Variants in FOXP1 observed in about 807,000 individuals in gnomAD.
FOXP1 encodes forkhead box P1.
Under a neutral mutation model 98.2 loss-of-function variants are expected in FOXP1, and 15 were observed. That is an observed-to-expected ratio of 0.15 (90% CI 0.10 to 0.24). The LOEUF (loss-of-function observed/expected upper bound fraction) is 0.24. FOXP1 is among the 10% of genes least tolerant of loss of function. FOXP1 has a pLI of 1.00. For missense variants in FOXP1, 633 were observed against 848.5 expected, an observed-to-expected ratio of 0.75 and a Z score of 3.15; for synonymous variants, 371 against 314.5, an observed-to-expected ratio of 1.18 and a Z score of -1.90.
At chr3:71,097,566 C>A (rs555898523) in intron 7 of FOXP1, among the ~76,000 whole-genome samples, 23 of 152,134 alleles carry the variant, frequency 1.5e-4, no homozygotes, top group Non-Finnish European at 3.1e-4. Flanking sequence ...TTTATACATA[C>A]AAACTTGAAA....
At chr3:70,998,369 T>C (rs76184971) in intron 13 of FOXP1, among the ~76,000 whole-genome samples, 6,196 of 152,288 alleles carry the variant, frequency 0.041, 172 homozygotes, top group Middle Eastern at 0.15. Context: ...AATAATGTTC[T>C]TCAGATTTTT....
intron 2 of FOXP1, among the ~76,000 whole-genome samples, chr3:71,555,690 A>G (rs1031895792): frequency 9.9e-5 from 15 of 152,204 alleles, no homozygotes; most frequent in Admixed American, 9.8e-4. Context: ...GCATATAATC[A>G]ACACTTAATA....
chr3:71,280,632 CT>C (rs554539344), intron 5 of FOXP1, among the ~76,000 whole-genome samples: 10 of 148,928 alleles, frequency 6.7e-5, no homozygotes, highest in South Asian at 2.1e-4. Context: ...CCTACAATAT[CT>C]TTTTTTTTTG....
intron 11 of FOXP1, among the ~76,000 whole-genome samples, chr3:71,019,294 A>G (rs938368317): frequency 1.3e-5 from 2 of 152,238 alleles, no homozygotes; most frequent in African/African-American, 2.4e-5. Context: ...TCATTTAGAT[A>G]AATTATTCAA....
At chr3:71,557,333 T>C (rs891207350) in intron 2 of FOXP1, among the ~76,000 whole-genome samples, 1 of 151,286 alleles carries the variant, frequency 6.6e-6, no homozygotes, top group African/African-American at 2.4e-5. Context: ...ACAGCTCAAA[T>C]GGTCAATTTA....
At chr3:71,450,785 C>CT (rs907077627) in intron 3 of FOXP1, among the ~76,000 whole-genome samples, 507 of 130,730 alleles carry the variant, frequency 3.9e-3, no homozygotes, top group Admixed American at 6.7e-3. Flanking sequence ...ATGGAATATT[C>CT]TTTTTTTTTT....
intron 5 of FOXP1, among the ~76,000 whole-genome samples, chr3:71,273,237 C>T (rs2070560010): frequency 6.6e-6 from 1 of 152,224 alleles, no homozygotes; most frequent in African/African-American, 2.4e-5. Context: ...GAAATACTGG[C>T]AATGAGGCAC....
At chr3:71,174,086 CACAG>C (rs1331751795) in intron 6 of FOXP1, among the ~76,000 whole-genome samples, 1 of 152,176 alleles carries the variant, frequency 6.6e-6, no homozygotes, top group Non-Finnish European at 1.5e-5. Flanking sequence ...TTTACTAGAA[CACAG>C]ACAGATCCAT....
intron 3 of FOXP1, among the ~76,000 whole-genome samples, chr3:71,361,537 T>C (rs1031059298): frequency 3.3e-5 from 5 of 152,340 alleles, no homozygotes; most frequent in African/African-American, 1.2e-4. Context: ...TCACACTCGA[T>C]TGCAGGTTTG....
At chr3:71,110,530 T>A (rs1388394895) in intron 7 of FOXP1, among the ~76,000 whole-genome samples, 1 of 152,194 alleles carries the variant, frequency 6.6e-6, no homozygotes, top group African/African-American at 2.4e-5. Flanking sequence ...ATCATTTGAA[T>A]CACTGAGTGA....
intron 7 of FOXP1, among the ~76,000 whole-genome samples, chr3:71,071,634 G>T (rs2053244789): frequency 6.6e-6 from 1 of 152,102 alleles, no homozygotes; most frequent in Admixed American, 6.5e-5. Context: ...GAGTGCAATG[G>T]CGCATCTTGG....
intron 5 of FOXP1, chr3:71,276,225 G>C (rs1306420428): frequency 6.6e-6 from 1 of 152,104 alleles, no homozygotes; most frequent in Non-Finnish European, 1.5e-5. Flanking sequence ...TTCTCTGCAT[G>C]GTCTTCAGTA....
At chr3:71,358,179 C>T (rs1034379224) in intron 4 of FOXP1, among the ~76,000 whole-genome samples, 20 of 152,172 alleles carry the variant, frequency 1.3e-4, no homozygotes, top group Non-Finnish European at 2.8e-4. Flanking sequence ...AAGGTGAGAT[C>T]TTACAGCACT....
At chr3:71,127,092 A>C (rs532189527) in intron 6 of FOXP1, among the ~76,000 whole-genome samples, 1 of 152,148 alleles carries the variant, frequency 6.6e-6, no homozygotes, top group Non-Finnish European at 1.5e-5. Context: ...CCTCCACCCT[A>C]CTGTGGAGTT....
intron 6 of FOXP1, among the ~76,000 whole-genome samples, chr3:71,160,894 G>A (rs2061101396): frequency 6.6e-6 from 1 of 152,184 alleles, no homozygotes; most frequent in African/African-American, 2.4e-5. Flanking sequence ...AATGTAGATT[G>A]AACTACAGAA....
At chr3:70,971,955 A>C in intron 18 of FOXP1, 1 of 1,333,054 alleles carries the variant, frequency 7.5e-7, no homozygotes, top group Non-Finnish European at 9.7e-7. Flanking sequence ...TGAGTCAACC[A>C]TGCAAAGCCA....
At chr3:71,390,649 G>A (rs931896305) in intron 3 of FOXP1, among the ~76,000 whole-genome samples, 1 of 152,116 alleles carries the variant, frequency 6.6e-6, no homozygotes, top group Non-Finnish European at 1.5e-5. Context: ...TCCAAAAAGC[G>A]AAAGGTTTAT....
intron 6 of FOXP1, among the ~76,000 whole-genome samples, chr3:71,155,263 T>C (rs1038001986): frequency 6.6e-6 from 1 of 152,220 alleles, no homozygotes; most frequent in Non-Finnish European, 1.5e-5. Context: ...GGGTGCCCTC[T>C]GAAACACAAT....
chr3:71,439,462 G>A (rs1418277141), intron 3 of FOXP1, among the ~76,000 whole-genome samples: 1 of 152,174 alleles, frequency 6.6e-6, no homozygotes, highest in African/African-American at 2.4e-5. Context: ...ATTACCACAT[G>A]ATCCAGCATT....
Sources: gnomAD v4.1 joint callset for allele counts (sites outside exome capture counted in the v4.1 genomes callset) on GRCh38, gnomAD v4.1.1 for gene constraint, MANE v1.5 for transcripts, NCBI Gene and HGNC (gene_info 2026-07-23, HGNC 2026-07-21) for gene names.